Variants in STPG2 observed in about 807,000 individuals in gnomAD.
STPG2 encodes sperm tail PG-rich repeat containing 2.
STPG2 carries 56 observed loss-of-function variants against 54.2 expected under a neutral mutation model. The observed-to-expected ratio is 1.03, with a 90% confidence interval of 0.83 to 1.29. STPG2 has a LOEUF of 1.29. STPG2 is among the 50% of genes most tolerant of loss of function. The probability of loss-of-function intolerance (pLI) is 0.00; values close to 1 mark genes in which losing one functional copy is unlikely to be tolerated. For missense variants in STPG2, 596 were observed against 544.9 expected (o/e 1.09, Z -0.93); for synonymous variants, 200 against 181.8 (o/e 1.10, Z -0.81).
intron 10 of STPG2, among the ~76,000 whole-genome samples, chr4:97,701,928 G>A (rs774169953): frequency 6.6e-6 from 1 of 152,168 alleles, no homozygotes; most frequent in Non-Finnish European, 1.5e-5. Context: ...GTAGTTGAGT[G>A]ACGGTGGTTC....
intron 4 of STPG2, among the ~76,000 whole-genome samples, chr4:97,534,047 C>A (rs1731474477): frequency 6.6e-6 from 1 of 152,102 alleles, no homozygotes; most frequent in Admixed American, 6.5e-5. Flanking sequence ...AGTTCCAATT[C>A]TTCCGCATTG....
At chr4:97,604,030 T>C (rs1025705189) in intron 10 of STPG2, among the ~76,000 whole-genome samples, 1 of 151,740 alleles carries the variant, frequency 6.6e-6, no homozygotes, top group Non-Finnish European at 1.5e-5. Context: ...TCTTAAAATA[T>C]ACTCTCCATT....
intron 10 of STPG2, chr4:97,633,926 C>T (rs1313201780): frequency 6.5e-6 from 1 of 154,848 alleles, no homozygotes; most frequent in Non-Finnish European, 1.4e-5. Flanking sequence ...GGGGCGCCCA[C>T]CATTGCCCAG....
At chr4:97,953,851 C>T (rs1440661487) in intron 7 of STPG2, among the ~76,000 whole-genome samples, 1 of 152,164 alleles carries the variant, frequency 6.6e-6, no homozygotes, top group East Asian at 1.9e-4. Context: ...TTTCAGTTTT[C>T]CTGTTAAGTT....
Position 98,084,262 on chromosome 4 carries a change from T to A in STPG2, c.612+21691A>T, listed in dbSNP as rs550772550. Among the ~76,000 whole-genome samples the A allele has an allele frequency of 2.0e-5, 3 of 152,342 alleles. No individual in the cohort carries two copies. In the South Asian group the frequency reaches 6.2e-4, roughly 32 times the overall value. Reference sequence around the variant, plus strand: ...TATTTTTGAGATTTGCCATGTGGTTTTATGAATGAGTCATTCTATAGGTAG... The same window carrying A: ...TATTTTTGAGATTTGCCATGTGGTTATATGAATGAGTCATTCTATAGGTAG... On this transcript the variant is annotated intron_variant, in intron 5 of 10. Transcript: ENST00000295268.
chr4:97,533,575 T>C (rs984869832), intron 4 of STPG2, among the ~76,000 whole-genome samples: 2 of 152,178 alleles, frequency 1.3e-5, no homozygotes, highest in Non-Finnish European at 2.9e-5. Flanking sequence ...CTTTGCAGTC[T>C]GTTCGTCTTG....
chr4:98,055,303 C>A (rs967138217), intron 5 of STPG2, among the ~76,000 whole-genome samples: 1 of 151,898 alleles, frequency 6.6e-6, no homozygotes, highest in Non-Finnish European at 1.5e-5. Flanking sequence ...CAACTAGATG[C>A]AGACAAGTGA....
chr4:97,982,526 T>C (rs1734715353), intron 5 of STPG2, among the ~76,000 whole-genome samples: 1 of 152,182 alleles, frequency 6.6e-6, no homozygotes, highest in African/African-American at 2.4e-5. Context: ...TCAACTTCAG[T>C]AAATGTATCA....
chr4:98,063,456 A>T (rs1407627523), intron 5 of STPG2, among the ~76,000 whole-genome samples: 1 of 152,196 alleles, frequency 6.6e-6, no homozygotes, highest in African/African-American at 2.4e-5. Flanking sequence ...CCAAAAAAAA[A>T]AAGTCAATCT....
intron 8 of STPG2, among the ~76,000 whole-genome samples, chr4:97,860,230 G>A (rs1410945936): frequency 6.6e-6 from 1 of 151,894 alleles, no homozygotes; most frequent in African/African-American, 2.4e-5. Context: ...TGTTCCATAT[G>A]AATTTTAGAA....
At chr4:97,765,151 A>G (rs532077419) in intron 9 of STPG2, among the ~76,000 whole-genome samples, 1 of 152,312 alleles carries the variant, frequency 6.6e-6, no homozygotes, top group East Asian at 1.9e-4. Flanking sequence ...GATATATTCA[A>G]TACAATTGCT....
Position 98,143,173 on chromosome 4 carries a change from C to A in STPG2, c.-23G>T. ...CATAGTGCTCGGGGTGGTGGGGGCG[C>A]TGGGGAAGGGCAGGTGCCGAAAACG... On this transcript the variant is annotated 5_prime_UTR_variant, in exon 1 of 11. Coordinates refer to ENST00000295268, the MANE Select transcript of STPG2 (RefSeq NM_174952.3). The A allele has an allele frequency of 1.3e-6, 2 of 1,589,858 alleles. No individual in the cohort carries two copies. Among genetic ancestry groups the A allele is most frequent in the Non-Finnish European group, 1.7e-6 (2 of 1,160,604 alleles).
intron 8 of STPG2, among the ~76,000 whole-genome samples, chr4:97,901,158 A>T (rs1229623170): frequency 6.6e-6 from 1 of 151,956 alleles, no homozygotes; most frequent in East Asian, 1.9e-4. Flanking sequence ...TATTTATATC[A>T]TTGTGTCCCA....
intron 8 of STPG2, among the ~76,000 whole-genome samples, chr4:97,843,589 G>C (rs781616025): frequency 1.3e-5 from 2 of 151,860 alleles, no homozygotes; most frequent in Non-Finnish European, 2.9e-5. Context: ...CTTGCCTGAA[G>C]AGAGATGCTA....
At chr4:97,678,948 C>T (rs1722939764) in intron 10 of STPG2, among the ~76,000 whole-genome samples, 1 of 152,130 alleles carries the variant, frequency 6.6e-6, no homozygotes. Context: ...CTACAAAGGA[C>T]ATGAACTCAT....
At chr4:98,132,820 G>T (rs1296462142) in intron 2 of STPG2, among the ~76,000 whole-genome samples, 3 of 151,794 alleles carry the variant, frequency 2.0e-5, no homozygotes, top group African/African-American at 7.2e-5. Context: ...ACTAAAATTT[G>T]CTGTACTTGG....
chr4:97,503,859 TAAAA>T (rs1384132871), intron 4 of STPG2, among the ~76,000 whole-genome samples: 2 of 23,012 alleles, frequency 8.7e-5, no homozygotes, highest in Non-Finnish European at 1.4e-4. Flanking sequence ...AAATATATTT[TAAAA>T]ATATATTTAA....
At chr4:97,667,490 A>G (rs1299481546) in intron 10 of STPG2, among the ~76,000 whole-genome samples, 2 of 152,220 alleles carry the variant, frequency 1.3e-5, no homozygotes, top group Non-Finnish European at 2.9e-5. Context: ...GTACTAATTT[A>G]TCTCCATAAC....
chr4:97,728,488 A>C (rs962242713), intron 9 of STPG2, among the ~76,000 whole-genome samples: 5 of 152,070 alleles, frequency 3.3e-5, no homozygotes, highest in African/African-American at 1.2e-4. Context: ...CTATATGCAG[A>C]ATTATTTTCA....
Sources: allele counts gnomAD v4.1 joint callset (sites outside exome capture counted in the v4.1 genomes callset), GRCh38; gene constraint gnomAD v4.1.1; transcripts MANE v1.5; gene names NCBI Gene and HGNC (gene_info 2026-07-23, HGNC 2026-07-21).